Variants in FOXN3 observed in about 807,000 individuals in gnomAD.
The protein encoded by FOXN3 is forkhead box protein N3.
A neutral mutation model predicts 38.4 loss-of-function variants in FOXN3; 7 were observed. The observed-to-expected ratio is 0.18, with a 90% CI of 0.10 to 0.34. The LOEUF (loss-of-function observed/expected upper bound fraction) is 0.34. Among genes scored for constraint, FOXN3 ranks in the 10% least tolerant of loss-of-function variants. The pLI is 1.00. For synonymous variants in FOXN3, 230 were observed against 242.2 expected (o/e 0.95, Z 0.47); for missense variants, 456 against 613.4 (o/e 0.74, Z 2.71).
intron 2 of FOXN3, among the ~76,000 whole-genome samples, chr14:89,386,679 A>T (rs931903279): frequency 6.6e-6 from 1 of 152,166 alleles, no homozygotes; most frequent in Non-Finnish European, 1.5e-5. Context: ...AAAATACCAC[A>T]GACTGCGTGG....
chr14:89,416,397 AG>A (rs1891725226), intron 1 of FOXN3, among the ~76,000 whole-genome samples: 1 of 152,060 alleles, frequency 6.6e-6, no homozygotes, highest in Non-Finnish European at 1.5e-5. Flanking sequence ...CAACTTATCC[AG>A]GGCCCAAGGA....
chr14:89,554,356 C>T (rs1411640240), intron 1 of FOXN3, among the ~76,000 whole-genome samples: 4 of 151,918 alleles, frequency 2.6e-5, no homozygotes, highest in African/African-American at 7.2e-5. Flanking sequence ...AGGCTGGTCT[C>T]GAACTCCTGA....
At chr14:89,426,304 A>T (rs1377358959) in intron 1 of FOXN3, among the ~76,000 whole-genome samples, 10 of 138,516 alleles carry the variant, frequency 7.2e-5, no homozygotes, top group Non-Finnish European at 1.4e-4. Flanking sequence ...AGCTCATTGC[A>T]ATCTCTGCCT....
chr14:89,571,550 AAG>A (rs1467309476), intron 1 of FOXN3, among the ~76,000 whole-genome samples: 1 of 152,132 alleles, frequency 6.6e-6, no homozygotes, highest in Non-Finnish European at 1.5e-5. Flanking sequence ...AGAATGAAAA[AAG>A]AATAAAAGTT....
intron 3 of FOXN3, chr14:89,290,486 G>A: frequency 6.5e-6 from 3 of 463,270 alleles, no homozygotes; most frequent in South Asian, 5.4e-5. Context: ...ACTTCTTACA[G>A]TTTTCCACTG....
At chr14:89,296,150 G>A (rs1450647158) in intron 3 of FOXN3, among the ~76,000 whole-genome samples, 1 of 151,878 alleles carries the variant, frequency 6.6e-6, no homozygotes. Context: ...TATAATATGG[G>A]ATGCATGTTT....
intron 1 of FOXN3, among the ~76,000 whole-genome samples, chr14:89,503,945 CCT>C (rs2139793219): frequency 6.6e-6 from 1 of 152,276 alleles, no homozygotes; most frequent in African/African-American, 2.4e-5. Flanking sequence ...CGGATTTGCC[CCT>C]TACTTCTATT....
At chr14:89,509,861 G>T (rs1894020766) in intron 1 of FOXN3, among the ~76,000 whole-genome samples, 1 of 152,342 alleles carries the variant, frequency 6.6e-6, no homozygotes, top group Non-Finnish European at 1.5e-5. Context: ...CTGAATAAAT[G>T]ACTTCTTCGA....
At chr14:89,282,873 C>A (rs1392992271) in intron 3 of FOXN3, among the ~76,000 whole-genome samples, 1 of 152,192 alleles carries the variant, frequency 6.6e-6, no homozygotes, top group Non-Finnish European at 1.5e-5. Context: ...AAGGAAAATT[C>A]TCTGTATGAT....
chr14:89,205,948 A>T (rs1888373102), intron 4 of FOXN3, among the ~76,000 whole-genome samples: 1 of 152,162 alleles, frequency 6.6e-6, no homozygotes, highest in African/African-American at 2.4e-5. Context: ...CTCCCGTTTC[A>T]ATGAATGGGA....
chr14:89,166,592 G>T (rs976756535), intron 5 of FOXN3, among the ~76,000 whole-genome samples: 1 of 152,218 alleles, frequency 6.6e-6, no homozygotes, highest in South Asian at 2.1e-4. Flanking sequence ...GAAGAAGGAA[G>T]TTTACTGTGA....
At chr14:89,413,501 G>A (rs1361670685) in intron 1 of FOXN3, among the ~76,000 whole-genome samples, 1 of 152,076 alleles carries the variant, frequency 6.6e-6, no homozygotes, top group African/African-American at 2.4e-5. Flanking sequence ...GGGCATGGTG[G>A]CATGTGCCTG....
chr14:89,279,035 C>CA (rs1383448900), intron 4 of FOXN3, among the ~76,000 whole-genome samples: 1 of 151,370 alleles, frequency 6.6e-6, no homozygotes, highest in Admixed American at 6.6e-5. Flanking sequence ...CCACATATTC[C>CA]AAAAAAATAT....
upstream of FOXN3, among the ~76,000 whole-genome samples, chr14:89,421,718 G>A (rs1346525360): frequency 1.3e-5 from 2 of 151,290 alleles, no homozygotes; most frequent in East Asian, 2.0e-4. Flanking sequence ...TAGTAGAGAC[G>A]GGGTTTCTCC....
intron 4 of FOXN3, among the ~76,000 whole-genome samples, chr14:89,235,866 AC>A (rs2139860256): frequency 6.6e-6 from 1 of 152,200 alleles, no homozygotes; most frequent in South Asian, 2.1e-4. Context: ...GCCCCCCAAG[AC>A]TGATTTTGGA....
chr14:89,411,496 C>T (rs927257825), intron 2 of FOXN3, among the ~76,000 whole-genome samples: 19 of 152,152 alleles, frequency 1.2e-4, no homozygotes, highest in African/African-American at 4.3e-4. Context: ...AATTTCCCTT[C>T]TCCTAGTTCA....
At chr14:89,199,600 G>T (rs1181164647) in intron 4 of FOXN3, among the ~76,000 whole-genome samples, 1 of 152,128 alleles carries the variant, frequency 6.6e-6, no homozygotes, top group Non-Finnish European at 1.5e-5. Flanking sequence ...GGGAAAGGAT[G>T]AATGATCTAT....
At position 89,617,599 on chromosome 14, in the gene FOXN3, AGTT is replaced by A. The variant is rs374895639; in HGVS notation, c.-15+1426_-15+1428del. 1.7e-3 allele frequency among the ~76,000 whole-genome samples: 260 copies of A among 152,356 alleles called. 5 individuals carry two copies. In the South Asian group the frequency reaches 0.052, roughly 31 times the overall value. Reference sequence around the variant, plus strand: ...AACCCGGTTAGGAATCATTATTCTAAGTTGAACAACTTTGCATTCTACAACTTA... The same window carrying A: ...AACCCGGTTAGGAATCATTATTCTAAGAACAACTTTGCATTCTACAACTTA... On this transcript the variant is annotated intron_variant, in intron 1 of 6. Transcript: ENST00000345097.
chr14:89,301,312 GA>G (rs55764743), intron 3 of FOXN3, among the ~76,000 whole-genome samples: 63,610 of 145,860 alleles, frequency 0.44, 14,213 homozygotes, highest in African/African-American at 0.56. Flanking sequence ...CTCTACAAAA[GA>G]AAAAAAAAAA....
Sources: gnomAD v4.1 joint callset for allele counts (sites outside exome capture counted in the v4.1 genomes callset) on GRCh38, gnomAD v4.1.1 for gene constraint, MANE v1.5 for transcripts, NCBI Gene and HGNC (gene_info 2026-07-23, HGNC 2026-07-21) for gene names.